The following TSNAXIP1 variants were observed in gnomAD, a reference collection of about 807,000 sequenced individuals.
TSNAXIP1 encodes translin-associated factor X-interacting protein 1.
A neutral mutation model predicts 84.8 loss-of-function variants in TSNAXIP1; 89 were observed. That is an observed-to-expected ratio of 1.05 (90% CI 0.88 to 1.25). The LOEUF (loss-of-function observed/expected upper bound fraction) is 1.25. TSNAXIP1 is among the 50% of genes most tolerant of loss of function. TSNAXIP1 has a pLI of 0.00. For synonymous variants in TSNAXIP1, 347 were observed against 335.2 expected (o/e 1.04, Z -0.39); for missense variants, 874 against 887.6 (o/e 0.98, Z 0.20).
At chr16:67,823,407 G>A (rs1034604134) in intron 4 of TSNAXIP1, among the ~76,000 whole-genome samples, 1 of 152,108 alleles carries the variant, frequency 6.6e-6, no homozygotes, top group Non-Finnish European at 1.5e-5. Flanking sequence ...GCCAGGTGTG[G>A]TGGCGCGTGC....
In TSNAXIP1 at chr16:67,826,095, G is replaced by A; in HGVS notation, c.1144+19G>A. On this transcript the variant is annotated intron_variant, in intron 9 of 15. Transcript: ENST00000561639. ...TGCAAAGGTGAGGGCAGCCGGCAGG[G>A]CCCCAGGTCCTGCTTACATGTGGGC... 9.9e-6 allele frequency: 16 copies of A among 1,613,314 alleles called. No homozygotes were observed. Among genetic ancestry groups the A allele is most frequent in the Non-Finnish European group, 1.4e-5 (16 of 1,180,016 alleles).
Position 67,808,553 on chromosome 16 carries a change from A to G in TSNAXIP1, c.47+1357A>G, listed in dbSNP as rs371554085. On this transcript the variant is annotated intron_variant, in intron 1 of 15. Coordinates refer to ENST00000561639, the MANE Select transcript of TSNAXIP1 (RefSeq NM_001288990.3). ...CCTGCCACTGCACTCCAGCCTGGGC[A>G]ACAGAGCGAGACTACGTCTCAAAAA... Among the ~76,000 whole-genome samples, 442 of 151,104 alleles carry G rather than the reference A, an allele frequency of 2.9e-3. 3 individuals carry two copies. The highest frequency in any genetic ancestry group is 0.01 in the African/African-American group (423 of 41,186).
intron 1 of TSNAXIP1, among the ~76,000 whole-genome samples, chr16:67,809,667 G>A (rs1335188202): frequency 6.6e-6 from 1 of 151,942 alleles, no homozygotes; most frequent in East Asian, 1.9e-4. Flanking sequence ...ATACAGGCCG[G>A]GAGCAGTGAG....
intron 3 of TSNAXIP1, 72 bp downstream of exon 3, chr16:67,821,023 G>A (rs1351336321): frequency 3.1e-6 from 5 of 1,601,016 alleles, no homozygotes; most frequent in East Asian, 4.5e-5. Context: ...CAGGGCAGGG[G>A]CGTGTGTTGC....
chr16:67,811,436 C>CTTTTTTTTTTTTT (rs1190285857), intron 1 of TSNAXIP1, among the ~76,000 whole-genome samples: 3 of 101,978 alleles, frequency 2.9e-5, no homozygotes, highest in African/African-American at 1.3e-4. Flanking sequence ...ATTGATTAGT[C>CTTTTTTTTTTTTT]TTTTTTTTTT....
chr16:67,815,010 A>G lies in TSNAXIP1; in HGVS notation c.147+609A>G, dbSNP rs576072820. On this transcript the variant is annotated intron_variant, in intron 2 of 15. Coordinates refer to ENST00000561639, the MANE Select transcript of TSNAXIP1 (RefSeq NM_001288990.3). The stretch of plus-strand genomic sequence containing the variant: ...CTGTACCAAAGGTATCAGAAGAGAA[A>G]TGAAATTTAAATTAAAAAAAAAAAG... Among the ~76,000 whole-genome samples the G allele has an allele frequency of 4.6e-5, 7 of 152,104 alleles. No individual in the cohort carries two copies. The East Asian group carries it at 1.4e-3, about 29-fold the overall frequency.
At chr16:67,815,655 C>T (rs1256104664) in intron 2 of TSNAXIP1, among the ~76,000 whole-genome samples, 2 of 152,026 alleles carry the variant, frequency 1.3e-5, no homozygotes, top group Admixed American at 6.6e-5. Flanking sequence ...TGCGCCACCA[C>T]ACCTGGCTAT....
At chr16:67,823,858 AAC>A (rs1189656552) in intron 5 of TSNAXIP1, 139 bp downstream of exon 5, 57 of 616,582 alleles carry the variant, frequency 9.2e-5, no homozygotes, top group Admixed American at 7.0e-4. Context: ...CTCTAGTAAA[AAC>A]ACAAAAAAAT....
At position 67,824,789 on chromosome 16, in the gene TSNAXIP1, AGTG is replaced by A; in HGVS notation, c.678+14_678+16del. The A allele has an allele frequency of 6.2e-7, 1 of 1,612,138 alleles. No individual in the cohort carries two copies. Among genetic ancestry groups the A allele is most frequent in the Non-Finnish European group, 8.5e-7 (1 of 1,178,736 alleles). On this transcript the variant is annotated intron_variant, in intron 6 of 15. Coordinates refer to ENST00000561639, the MANE Select transcript of TSNAXIP1 (RefSeq NM_001288990.3). The stretch of plus-strand genomic sequence containing the variant: ...TTCATTGCAGAGCGAGGTGAATGGA[AGTG>A]GTGTGATGATGACCAAGTCCCCGAA...
At chr16:67,823,156 C>T (rs1004032653) in intron 4 of TSNAXIP1, among the ~76,000 whole-genome samples, 1 of 152,136 alleles carries the variant, frequency 6.6e-6, no homozygotes, top group East Asian at 1.9e-4. Flanking sequence ...CCCCAGGCTC[C>T]GTGGCACTGT....
At chr16:67,816,756 G>T (rs555342531) in intron 2 of TSNAXIP1, among the ~76,000 whole-genome samples, 1 of 152,128 alleles carries the variant, frequency 6.6e-6, no homozygotes, top group East Asian at 1.9e-4. Context: ...CCTACAGGGG[G>T]AAGCAGAGAG....
Position 67,826,980 on chromosome 16 carries a change from T to C in TSNAXIP1, c.1572T>C (p.Tyr524=), listed in dbSNP as rs749231195. The C allele has an allele frequency of 9.9e-6, 16 of 1,614,034 alleles. No homozygotes were observed. Among genetic ancestry groups the C allele is most frequent in the Admixed American group, 6.7e-5 (4 of 59,994 alleles). ...CCTTATAGCGGAGTGAGAATGTGTA[T>C]GTCACCCAGAAGGAGACAGTAGCCC... is the stretch of plus-strand genomic sequence containing the variant. ...VLMGKRSENV[Y]VTQKETVAQL... Residue 524 remains tyrosine (Y), a synonymous_variant, in exon 13 of 16, where the codon TAT becomes TAC. Coordinates refer to ENST00000561639, the MANE Select transcript of TSNAXIP1 (RefSeq NM_001288990.3).
rs1023938860 is a variant in TSNAXIP1, at chr16:67,807,202, C to T, written c.47+6C>T. ...AGCTTCTCGTCCGCGTCGAGGTAGG[C>T]GCTGGCAGGGATGAGGGCAGAGATG... On this transcript the variant is annotated splice_donor_region_variant and intron_variant, in intron 1 of 15. Coordinates refer to ENST00000561639, the MANE Select transcript of TSNAXIP1 (RefSeq NM_001288990.3). The T allele has an allele frequency of 2.0e-6, 3 of 1,535,840 alleles. No individual in the cohort carries two copies. Among genetic ancestry groups the T allele is most frequent in the African/African-American group, 2.7e-5 (2 of 72,992 alleles).
intron 5 of TSNAXIP1, 22 bp downstream of exon 5, chr16:67,823,741 G>A (rs1296996014): frequency 6.2e-7 from 1 of 1,600,960 alleles, no homozygotes; most frequent in Non-Finnish European, 8.6e-7. Context: ...CCTCCTGCCA[G>A]GCGTAGTGGC....
At position 67,824,721 on chromosome 16, in the gene TSNAXIP1, T is replaced by A. The variant is rs773214373; in HGVS notation, c.620T>A (p.Met207Lys). 8 of 1,614,008 alleles carry A rather than the reference T, an allele frequency of 5.0e-6. No homozygotes were observed. Among genetic ancestry groups the A allele is most frequent in the Admixed American group, 1.7e-5 (1 of 59,992 alleles). Residue 207 changes from methionine to lysine, a missense_variant, in exon 6 of 16, where the codon ATG becomes AAG. Coordinates refer to ENST00000561639, the MANE Select transcript of TSNAXIP1 (RefSeq NM_001288990.3). Reference sequence around the variant, plus strand: ...ATCTCCCTGCTCAAGAAAGAGAAGATGAACTTGCTAAAACTCATCGACAAA... The same window carrying A: ...ATCTCCCTGCTCAAGAAAGAGAAGAAGAACTTGCTAAAACTCATCGACAAA... ...YEISLLKKEK[M>K]NLLKLIDKKN...
At chr16:67,821,262 A>G in intron 4 of TSNAXIP1, 37 bp downstream of exon 4, 28 of 1,444,952 alleles carry the variant, frequency 1.9e-5, no homozygotes, top group Non-Finnish European at 2.5e-5. Context: ...AGGGCGGGGG[A>G]AGGGTGGGAA....
In TSNAXIP1 at chr16:67,827,245, A is replaced by G. The variant is rs199794534; in HGVS notation, c.1665-4A>G. The stretch of plus-strand genomic sequence containing the variant: ...CCCTGTTGGCCCTCATGTCTCCCCT[A>G]CAGCACTGTCCTCAAGAGTACCTTC... On this transcript the variant is annotated splice_region_variant and splice_polypyrimidine_tract_variant and intron_variant, in intron 13 of 15. Coordinates refer to ENST00000561639, the MANE Select transcript of TSNAXIP1 (RefSeq NM_001288990.3). The G allele has an allele frequency of 5.6e-6, 9 of 1,614,164 alleles. No homozygotes were observed. Among genetic ancestry groups the G allele is most frequent in the East Asian group, 2.2e-5 (1 of 44,892 alleles).
At chr16:67,822,715 T>C (rs1357053044) in intron 4 of TSNAXIP1, among the ~76,000 whole-genome samples, 1 of 152,208 alleles carries the variant, frequency 6.6e-6, no homozygotes, top group African/African-American at 2.4e-5. Flanking sequence ...TACTGAGCAC[T>C]GGCTATGTGC....
intron 5 of TSNAXIP1, among the ~76,000 whole-genome samples, chr16:67,823,971 A>G (rs960932979): frequency 6.9e-6 from 1 of 144,572 alleles, no homozygotes; most frequent in Non-Finnish European, 1.5e-5. Flanking sequence ...GTGAGTTGAG[A>G]TCACACCACC....
Sources: gnomAD v4.1 joint callset for allele counts (sites outside exome capture counted in the v4.1 genomes callset) on GRCh38, gnomAD v4.1.1 for gene constraint, MANE v1.5 for transcripts, NCBI Gene and HGNC (gene_info 2026-07-23, HGNC 2026-07-21) for gene names.